SETD2: variants seen among roughly 807,000 people sequenced by gnomAD.
SETD2 encodes the protein histone-lysine N-methyltransferase SETD2.
In SETD2, 31 loss-of-function variants were observed where a neutral mutation model predicts 242.1. The ratio of observed to expected loss-of-function variants is 0.13; its 90% CI spans 0.10 to 0.17. SETD2 has a LOEUF of 0.17. Among genes scored for constraint, SETD2 ranks in the 10% least tolerant of loss-of-function variants. SETD2 has a pLI of 1.00. For synonymous variants in SETD2, 1,006 were observed against 1,066.5 expected (o/e 0.94, Z 1.11); for missense variants, 2,481 against 3,046.3 (o/e 0.81, Z 4.37).
At position 47,162,868 on chromosome 3, in the gene SETD2, A is replaced by G. The variant is rs553188928; in HGVS notation, c.71+986T>C. ...GAAGTGACTCCAGGCTTTCTGAGAT[A>G]GCAGATACAGCAGCAGATTCAGACC... On this transcript the variant is annotated intron_variant, in intron 1 of 20. Coordinates refer to ENST00000409792, the MANE Select transcript of SETD2 (RefSeq NM_014159.7). Among the ~76,000 whole-genome samples, 34 of 152,356 alleles carry G rather than the reference A, an allele frequency of 2.2e-4. No homozygotes were observed. In the South Asian group the frequency reaches 6.2e-3, roughly 28 times the overall value.
intron 1 of SETD2, among the ~76,000 whole-genome samples, chr3:47,160,365 A>G (rs538859320): frequency 5.6e-4 from 85 of 152,024 alleles, no homozygotes; most frequent in African/African-American, 1.9e-3. Flanking sequence ...GCAGTGGCAC[A>G]ATCTCAGCTC....
In SETD2 at chr3:47,084,190, G is replaced by A. The variant is rs1235506167; in HGVS notation, c.5590C>T (p.Leu1864=). ...PLNTPDPSTK[L]STEADTDTPK... ...GTGTCTGTGTCAGCTTCTGTGCTCA[G>A]CTTGGTGGAAGGATCAGGTGTGTTG... Residue 1864 remains leucine (L), a synonymous_variant, in exon 12 of 21, where the codon CTG becomes TTG. Transcript: ENST00000409792. The A allele has an allele frequency of 4.3e-6, 7 of 1,614,014 alleles. No homozygotes were observed. Among genetic ancestry groups the A allele is most frequent in the African/African-American group, 1.3e-5 (1 of 74,892 alleles).
intron 14 of SETD2, among the ~76,000 whole-genome samples, chr3:47,061,126 G>A (rs778674954): frequency 2.0e-5 from 3 of 152,130 alleles, no homozygotes; most frequent in South Asian, 2.1e-4. Flanking sequence ...GCTGAGGCAG[G>A]AGAATGGCGT....
chr3:47,148,516 A>G (rs2043914414), intron 1 of SETD2, among the ~76,000 whole-genome samples: 1 of 152,184 alleles, frequency 6.6e-6, no homozygotes, highest in Non-Finnish European at 1.5e-5. Flanking sequence ...GGGAAATTTC[A>G]AAGTACAATC....
rs993565451 is a variant in SETD2, at chr3:47,062,484, C to G, written c.6110-138G>C. The G allele has an allele frequency of 1.8e-5, 13 of 723,174 alleles. No individual in the cohort carries two copies. The East Asian group carries it at 3.4e-4, about 19-fold the overall frequency. The allele number at this position is 723,174 out of a possible 1,614,324, so 44.8% of individuals were successfully genotyped here. ...TATCTATGGACTCCTCCGTCATCTA[C>G]CCAGTTCTGAATTTGAAAGAGATAC... On this transcript the variant is annotated intron_variant, in intron 13 of 20. Coordinates refer to ENST00000409792, the MANE Select transcript of SETD2 (RefSeq NM_014159.7).
intron 15 of SETD2, among the ~76,000 whole-genome samples, chr3:47,055,693 TTAAAA>T: frequency 6.8e-6 from 1 of 146,598 alleles, no homozygotes; most frequent in Middle Eastern, 3.8e-3. Context: ...ACCTAATCTC[TTAAAA>T]TAAAATAAAA....
chr3:47,151,328 T>C (rs12490244), intron 1 of SETD2, among the ~76,000 whole-genome samples: 2 of 152,012 alleles, frequency 1.3e-5, no homozygotes, highest in African/African-American at 2.4e-5. Flanking sequence ...ATTATAAAAA[T>C]ACATATATAA....
intron 1 of SETD2, chr3:47,127,613 G>T (rs373008201): frequency 6.9e-6 from 3 of 434,516 alleles, no homozygotes; most frequent in Non-Finnish European, 1.4e-5. Flanking sequence ...TGTAATCCCA[G>T]CACTTTGGGA....
At chr3:47,110,205 A>G (rs1480044078) in intron 5 of SETD2, among the ~76,000 whole-genome samples, 5 of 152,196 alleles carry the variant, frequency 3.3e-5, no homozygotes, top group Non-Finnish European at 7.3e-5. Context: ...TATACGAAAT[A>G]CCGAGAATAG....
At position 47,122,020 on chromosome 3, in the gene SETD2, T is replaced by C. The variant is rs747990258; in HGVS notation, c.2616A>G (p.Gln872=). ...AAGCAATACCTGAACTCCCAATAGG[T>C]TGATATAAATCATCAAAATGATTAA... ...ASVNHFDDLY[Q]PIGSSGIASS... Residue 872 remains glutamine (Q), a synonymous_variant, in exon 3 of 21, where the codon CAA becomes CAG. Transcript: ENST00000409792. 1 of 1,613,862 alleles carries C rather than the reference T, an allele frequency of 6.2e-7. No homozygotes were observed. The highest frequency in any genetic ancestry group is 8.5e-7 in the Non-Finnish European group (1 of 1,179,916).
chr3:47,075,605 A>G (rs1384144854), intron 12 of SETD2, among the ~76,000 whole-genome samples: 1 of 150,032 alleles, frequency 6.7e-6, no homozygotes, highest in African/African-American at 2.4e-5. Context: ...TCTAAAAAGT[A>G]TTTGCCAAAG....
At chr3:47,095,812 GAAAAA>G (rs1053194205) in intron 9 of SETD2, among the ~76,000 whole-genome samples, 1 of 145,710 alleles carries the variant, frequency 6.9e-6, no homozygotes, top group Non-Finnish European at 1.5e-5. Context: ...GAAAAAAAAA[GAAAAA>G]AATTACAGCA....
chr3:47,155,495 A>G (rs906970258), intron 1 of SETD2, among the ~76,000 whole-genome samples: 1 of 152,190 alleles, frequency 6.6e-6, no homozygotes, highest in African/African-American at 2.4e-5. Context: ...AACTTTCCTG[A>G]AAGTTTAAAA....
chr3:47,082,055 AG>A (rs1368721431), intron 12 of SETD2, among the ~76,000 whole-genome samples: 1 of 152,226 alleles, frequency 6.6e-6, no homozygotes, highest in Admixed American at 6.5e-5. Flanking sequence ...ATAATTTTGT[AG>A]GACTCAAATG....
intron 10 of SETD2, 43 bp downstream of exon 10, chr3:47,088,070 C>A (rs2107650451): frequency 6.4e-7 from 1 of 1,573,602 alleles, no homozygotes; most frequent in Non-Finnish European, 8.6e-7. Flanking sequence ...CATTCATTCC[C>A]ACCACAAAAC....
chr3:47,056,699 C>T (rs2040095878), intron 15 of SETD2, 122 bp downstream of exon 15: 1 of 724,382 alleles, frequency 1.4e-6, no homozygotes, highest in Non-Finnish European at 2.3e-6. Flanking sequence ...ATAACCAATA[C>T]ATATAAAGTT....
chr3:47,020,027 G>A (rs966162909), intron 18 of SETD2, among the ~76,000 whole-genome samples, 187 bp from the exon 19 acceptor site: 1 of 152,084 alleles, frequency 6.6e-6, no homozygotes, highest in African/African-American at 2.4e-5. Flanking sequence ...TTCAAATCCT[G>A]TTACATGGTT....
intron 1 of SETD2, among the ~76,000 whole-genome samples, chr3:47,135,706 TCA>T (rs2043576249): frequency 6.6e-6 from 1 of 152,182 alleles, no homozygotes. Flanking sequence ...GATGCCTATT[TCA>T]CACATTCCCC....
Position 47,083,454 on chromosome 3 carries a change from G to A in SETD2, c.6060+266C>T, listed in dbSNP as rs181463154. On this transcript the variant is annotated intron_variant, in intron 12 of 20. Coordinates refer to ENST00000409792, the MANE Select transcript of SETD2 (RefSeq NM_014159.7). The stretch of plus-strand genomic sequence containing the variant: ...CTCAAAGGATTTTTGTTTTTAATGT[G>A]AAGAGCACTTAAATGACTGAACTCA... Among the ~76,000 whole-genome samples the A allele has an allele frequency of 6.7e-3, 1,014 of 152,246 alleles. 9 individuals are homozygous for A. The highest frequency in any genetic ancestry group is 0.011 in the Non-Finnish European group (720 of 68,014).
Sources: allele counts gnomAD v4.1 joint callset (sites outside exome capture counted in the v4.1 genomes callset), GRCh38; gene constraint gnomAD v4.1.1; transcripts MANE v1.5; gene names NCBI Gene and HGNC (gene_info 2026-07-23, HGNC 2026-07-21).